UTRN: variants seen among roughly 807,000 people sequenced by gnomAD.
The protein encoded by UTRN is utrophin.
A neutral mutation model predicts 463.9 loss-of-function variants in UTRN; 283 were observed. The ratio of observed to expected loss-of-function variants is 0.61; its 90% CI spans 0.55 to 0.67. The LOEUF (loss-of-function observed/expected upper bound fraction) is 0.67, where lower values mean the gene tolerates loss of function less well. Ranked by LOEUF, UTRN falls within the 30% of genes least tolerant of loss-of-function variation. UTRN has a pLI of 0.00. For missense variants in UTRN, 3,922 were observed against 4,084.3 expected (o/e 0.96, Z 1.08); for synonymous variants, 1,442 against 1,431.5 (o/e 1.01, Z -0.17).
intron 51 of UTRN, chr6:144,660,389 A>G (rs1043736676): frequency 2.0e-5 from 8 of 406,886 alleles, no homozygotes; most frequent in Non-Finnish European, 3.4e-5. Flanking sequence ...AGTATAATTT[A>G]TAAGGAATAT....
chr6:144,303,632 A>G (rs1441269545), intron 2 of UTRN, among the ~76,000 whole-genome samples: 1 of 152,192 alleles, frequency 6.6e-6, no homozygotes, highest in Non-Finnish European at 1.5e-5. Context: ...TTTTCTATAT[A>G]TATTCTGAGA....
rs538867615 is a variant in UTRN, at chr6:144,366,772, G to A, written c.80-36351G>A. ...TCCTTTGGGTTTATACCCAGTAATG[G>A]CATTTCTGGGTTGAATGGTCTTTCT... On this transcript the variant is annotated intron_variant, in intron 2 of 74. Coordinates refer to ENST00000367545, the MANE Select transcript of UTRN (RefSeq NM_007124.3). 2.0e-4 allele frequency among the ~76,000 whole-genome samples: 31 copies of A among 152,206 alleles called. No individual in the cohort carries two copies. In the South Asian group the frequency reaches 6.0e-3, roughly 30 times the overall value.
At chr6:144,311,077 GC>G (rs35761841) in intron 2 of UTRN, among the ~76,000 whole-genome samples, 1 of 152,178 alleles carries the variant, frequency 6.6e-6, no homozygotes, top group African/African-American at 2.4e-5. Context: ...GCATGAAAAT[GC>G]CCATTTAGTG....
intron 2 of UTRN, among the ~76,000 whole-genome samples, chr6:144,310,920 C>A (rs928591550): frequency 1.3e-5 from 2 of 152,204 alleles, no homozygotes; most frequent in Admixed American, 6.5e-5. Flanking sequence ...CACGACAGAT[C>A]GATCACTTGA....
chr6:144,369,055 T>C (rs1324469662), intron 2 of UTRN, among the ~76,000 whole-genome samples: 1 of 152,268 alleles, frequency 6.6e-6, no homozygotes, highest in Non-Finnish European at 1.5e-5. Flanking sequence ...AAAAAATTGA[T>C]GTGGAGGTTA....
At chr6:144,689,217 G>A (rs1783068688) in intron 52 of UTRN, among the ~76,000 whole-genome samples, 1 of 152,144 alleles carries the variant, frequency 6.6e-6, no homozygotes, top group African/African-American at 2.4e-5. Context: ...TTCTAGAATG[G>A]CTGTCTACAG....
chr6:144,680,715 A>G (rs938774545), intron 52 of UTRN, among the ~76,000 whole-genome samples: 5 of 152,210 alleles, frequency 3.3e-5, no homozygotes, highest in African/African-American at 1.2e-4. Flanking sequence ...AAGGCTTCAT[A>G]AAAGAGGTCA....
chr6:144,580,440 G>GGT (rs1801864139), intron 51 of UTRN, among the ~76,000 whole-genome samples: 1 of 152,154 alleles, frequency 6.6e-6, no homozygotes, highest in Non-Finnish European at 1.5e-5. Context: ...CTCAGTTTAA[G>GGT]GTGAATCTTG....
intron 47 of UTRN, among the ~76,000 whole-genome samples, chr6:144,550,527 CTG>C (rs1462872077): frequency 3.3e-5 from 5 of 152,104 alleles, no homozygotes; most frequent in Non-Finnish European, 7.4e-5. Flanking sequence ...TAGCACTTTT[CTG>C]TGTCACCCCC....
At chr6:144,775,350 G>T (rs920808711) in intron 60 of UTRN, among the ~76,000 whole-genome samples, 11 of 152,162 alleles carry the variant, frequency 7.2e-5, no homozygotes, top group African/African-American at 2.7e-4. Flanking sequence ...CTTAAGCTAT[G>T]TATGGAAGAG....
At chr6:144,835,676 T>G (rs1281144228) in intron 69 of UTRN, 104 bp from the exon 70 acceptor site, 13 of 1,490,030 alleles carry the variant, frequency 8.7e-6, no homozygotes, top group African/African-American at 1.4e-5. Flanking sequence ...AAGACAAACT[T>G]GGCCCAGCCA....
At chr6:144,299,727 G>A (rs1425779781) in intron 2 of UTRN, among the ~76,000 whole-genome samples, 1 of 152,014 alleles carries the variant, frequency 6.6e-6, no homozygotes, top group African/African-American at 2.4e-5. Flanking sequence ...TTATAAAAAT[G>A]TATTGTGTAT....
chr6:144,598,936 A>G (rs150469457), intron 51 of UTRN, among the ~76,000 whole-genome samples: 1 of 151,868 alleles, frequency 6.6e-6, no homozygotes, highest in Non-Finnish European at 1.5e-5. Flanking sequence ...ATCAGAATGA[A>G]TATTGCTAGA....
chr6:144,602,093 A>G (rs747629691), intron 51 of UTRN, among the ~76,000 whole-genome samples: 20 of 152,112 alleles, frequency 1.3e-4, no homozygotes, highest in Non-Finnish European at 2.5e-4. Context: ...TCATGAGTCA[A>G]TTGATATAAA....
intron 54 of UTRN, among the ~76,000 whole-genome samples, chr6:144,741,059 G>T (rs941951333): frequency 3.9e-5 from 6 of 152,168 alleles, no homozygotes; most frequent in Non-Finnish European, 8.8e-5. Flanking sequence ...CTTATGTTTT[G>T]TGATTGTTGT....
At chr6:144,444,613 T>C (rs1787486451) in intron 14 of UTRN, among the ~76,000 whole-genome samples, 1 of 152,218 alleles carries the variant, frequency 6.6e-6, no homozygotes, top group African/African-American at 2.4e-5. Context: ...CTTGGAATGT[T>C]AGTACTTAGA....
At position 144,499,342 on chromosome 6, in the gene UTRN, T is replaced by C; in HGVS notation, c.4679T>C (p.Leu1560Pro). The change falls in exon 34 of 75, where the codon CTT (leucine) becomes CCT (proline). Residue 1560 changes from leucine to proline, a missense_variant. By Grantham distance (98) the Leu-to-Pro change is moderately conservative. Coordinates refer to ENST00000367545, the MANE Select transcript of UTRN (RefSeq NM_007124.3). ...KKEAASLSEW[L>P]SATETELVQK... ...GAGGCTGCTTCTCTCTCTGAATGGC[T>C]TTCTGCTACTGAAACTGAATTGGTA... The C allele has an allele frequency of 1.9e-6, 3 of 1,613,978 alleles. No homozygotes were observed. Among genetic ancestry groups the C allele is most frequent in the Non-Finnish European group, 2.5e-6 (3 of 1,179,904 alleles).
chr6:144,665,585 A>T (rs1291016538), intron 51 of UTRN, among the ~76,000 whole-genome samples: 2 of 152,234 alleles, frequency 1.3e-5, no homozygotes, highest in Non-Finnish European at 2.9e-5. Flanking sequence ...AATACTAATT[A>T]TTAAATAAGT....
Position 144,393,669 on chromosome 6 carries a change from A to G in UTRN, c.80-9454A>G, listed in dbSNP as rs1328887219. On this transcript the variant is annotated intron_variant, in intron 2 of 74. Coordinates refer to ENST00000367545, the MANE Select transcript of UTRN (RefSeq NM_007124.3). ...GTTGAAAAAGAATATTCAGTGACGC[A>G]GGATGGAGGGAGGTTTGAATGTTCA... is the stretch of plus-strand genomic sequence containing the variant. Among the ~76,000 whole-genome samples, 3 of 152,104 alleles carry G rather than the reference A, an allele frequency of 2.0e-5. No homozygotes were observed. In the East Asian group the frequency reaches 5.8e-4, roughly 29 times the overall value.
Sources: allele counts gnomAD v4.1 joint callset (sites outside exome capture counted in the v4.1 genomes callset), GRCh38; gene constraint gnomAD v4.1.1; transcripts MANE v1.5; gene names NCBI Gene and HGNC (gene_info 2026-07-23, HGNC 2026-07-21).